The following FAAH2 variants were observed in gnomAD, a reference collection of about 807,000 sequenced individuals.
FAAH2 encodes fatty-acid amide hydrolase 2.
Under a neutral mutation model 36.9 loss-of-function variants are expected in FAAH2, and 60 were observed. The ratio of observed to expected loss-of-function variants is 1.63; its 90% CI spans 1.32 to 2.02. FAAH2 has a LOEUF of 2.02. Ranked by LOEUF, FAAH2 falls within the 30% of genes most tolerant of loss-of-function variation. The probability of loss-of-function intolerance (pLI) is 0.00; values close to 1 mark genes in which losing one functional copy is unlikely to be tolerated. For synonymous variants in FAAH2, 214 were observed against 143.8 expected, an observed-to-expected ratio of 1.49 and a Z score of -3.49; for missense variants, 689 against 397.5, an observed-to-expected ratio of 1.73 and a Z score of -6.23.
At chrX:57,314,476 A>T (rs141983639) in intron 3 of FAAH2, among the ~76,000 whole-genome samples, 1 of 111,716 alleles carries the variant, frequency 9.0e-6, no homozygotes, top group African/African-American at 3.2e-5. Flanking sequence ...CTACACGGTC[A>T]GTCATACTTC....
chrX:57,209,315 G>A, the FAAH2 span, among the ~76,000 whole-genome samples: 1 of 112,207 alleles, frequency 8.9e-6, no homozygotes, highest in African/African-American at 3.2e-5. Flanking sequence ...AAGTCTCAAA[G>A]TCTCACCCAA....
the FAAH2 span, among the ~76,000 whole-genome samples, chrX:57,242,558 C>T: frequency 9.0e-6 from 1 of 111,594 alleles, no homozygotes; most frequent in African/African-American, 3.3e-5. Context: ...ACTGAGTTAC[C>T]TGGCTCATCT....
At chrX:57,410,135 T>C (rs2055663541) in intron 7 of FAAH2, among the ~76,000 whole-genome samples, 1 of 111,502 alleles carries the variant, frequency 9.0e-6, no homozygotes, top group African/African-American at 3.3e-5. Flanking sequence ...CCATTTTTTT[T>C]CAGAAGGATA....
chrX:57,376,033 G>A (rs2054666258), intron 5 of FAAH2, among the ~76,000 whole-genome samples: 1 of 111,032 alleles, frequency 9.0e-6, no homozygotes, highest in Non-Finnish European at 1.9e-5. Flanking sequence ...TTTAAATCAG[G>A]TAACAGCAAC....
Position 57,378,637 on chromosome X carries a change from G to GT in FAAH2, c.743-13dup. ...CTTATTTTGGGCGGCTAACCTGACT[G>GT]TCTATCCTTTCAGGTGTGGTTCCCA... On this transcript the variant is annotated splice_polypyrimidine_tract_variant and intron_variant, in intron 5 of 10. Transcript: ENST00000374900. The GT allele has an allele frequency of 8.3e-7, 1 of 1,210,505 alleles. No individual in the cohort carries two copies.
At chrX:57,284,309 G>A (rs753842877), upstream of FAAH2, among the ~76,000 whole-genome samples, 15 of 111,570 alleles carry the variant, frequency 1.3e-4, no homozygotes, top group African/African-American at 4.6e-4. Context: ...GGGAGGCAAA[G>A]GTTGCAATGA....
At chrX:57,414,791 G>A (rs2055795901) in intron 7 of FAAH2, among the ~76,000 whole-genome samples, 1 of 107,686 alleles carries the variant, frequency 9.3e-6, no homozygotes, top group African/African-American at 3.4e-5. Flanking sequence ...AGAAGAAATG[G>A]TATCAACTCC....
intron 4 of FAAH2, among the ~76,000 whole-genome samples, chrX:57,334,040 C>A (rs1320286228): frequency 9.0e-6 from 1 of 110,698 alleles, no homozygotes; most frequent in Non-Finnish European, 1.9e-5. Flanking sequence ...GAGGCCAAGG[C>A]AGTTGGGTCA....
intron 3 of FAAH2, among the ~76,000 whole-genome samples, chrX:57,322,733 AT>A (rs2053068026): frequency 9.1e-6 from 1 of 110,068 alleles, no homozygotes; most frequent in African/African-American, 3.3e-5. Context: ...TCACTGTTTT[AT>A]TTTAAAAAGT....
intron 10 of FAAH2, among the ~76,000 whole-genome samples, chrX:57,476,261 C>T (rs768403584): frequency 4.5e-5 from 5 of 111,008 alleles, no homozygotes; most frequent in African/African-American, 1.6e-4. Context: ...GAGAGGGCAT[C>T]CTTGTCTTCT....
the FAAH2 span, among the ~76,000 whole-genome samples, chrX:57,191,035 C>T: frequency 9.0e-6 from 1 of 111,432 alleles, no homozygotes; most frequent in African/African-American, 3.3e-5. Context: ...GTATGGTAAC[C>T]TATTTTTAGT....
chrX:57,431,516 C>T (rs1294111187), intron 7 of FAAH2, among the ~76,000 whole-genome samples: 1 of 111,142 alleles, frequency 9.0e-6, no homozygotes, highest in Non-Finnish European at 1.9e-5. Flanking sequence ...TCAGACTGTC[C>T]CCAGAGAAGC....
chrX:57,251,318 C>T, the FAAH2 span, among the ~76,000 whole-genome samples: 1 of 111,580 alleles, frequency 9.0e-6, no homozygotes, highest in Non-Finnish European at 1.9e-5. Context: ...ATGATAAAAT[C>T]TCTCAAAAAA....
At chrX:57,251,770 A>G in the FAAH2 span, among the ~76,000 whole-genome samples, 3 of 111,861 alleles carry the variant, frequency 2.7e-5, no homozygotes, top group Admixed American at 1.9e-4. Context: ...TACAGTTCCC[A>G]GTGAGATCGA....
chrX:57,221,987 A>G, the FAAH2 span, among the ~76,000 whole-genome samples: 1 of 110,487 alleles, frequency 9.1e-6, no homozygotes, highest in South Asian at 3.9e-4. Flanking sequence ...CAACTACCAT[A>G]CTATCTCTCT....
chrX:57,253,930 C>A, the FAAH2 span, among the ~76,000 whole-genome samples: 1 of 111,354 alleles, frequency 9.0e-6, no homozygotes, highest in Non-Finnish European at 1.9e-5. Context: ...ACAATATTAA[C>A]CTTAAATGTA....
At chrX:57,403,318 G>C (rs1324679622) in intron 7 of FAAH2, among the ~76,000 whole-genome samples, 1 of 112,284 alleles carries the variant, frequency 8.9e-6, no homozygotes, top group Non-Finnish European at 1.9e-5. Context: ...ATAGACCTCT[G>C]CTTATTGGAT....
the FAAH2 span, among the ~76,000 whole-genome samples, chrX:57,160,690 C>T: frequency 9.0e-6 from 1 of 111,587 alleles, no homozygotes; most frequent in African/African-American, 3.3e-5. Flanking sequence ...AGTGATATCC[C>T]CTTTGTCCTT....
chrX:57,161,495 A>T, the FAAH2 span, among the ~76,000 whole-genome samples: 1 of 111,143 alleles, frequency 9.0e-6, no homozygotes, highest in Non-Finnish European at 1.9e-5. Context: ...GTGGGAGTCT[A>T]AGTCTCTTTG....
Sources: gnomAD v4.1 joint callset for allele counts (sites outside exome capture counted in the v4.1 genomes callset) on GRCh38, gnomAD v4.1.1 for gene constraint, MANE v1.5 for transcripts, NCBI Gene and HGNC (gene_info 2026-07-23, HGNC 2026-07-21) for gene names.